The following PGM3 variants were observed in gnomAD, a reference collection of about 807,000 sequenced individuals.
PGM3 encodes phosphoglucomutase 3.
Under a neutral mutation model 66.2 loss-of-function variants are expected in PGM3, and 40 were observed. The ratio of observed to expected loss-of-function variants is 0.60; its 90% confidence interval spans 0.47 to 0.79. The LOEUF (loss-of-function observed/expected upper bound fraction) is 0.79. Ranked by LOEUF, PGM3 falls within the 30% of genes least tolerant of loss-of-function variation. The pLI, the probability that PGM3 is intolerant of heterozygous loss-of-function variation, is 0.00. For synonymous variants in PGM3, 191 were observed against 224.2 expected, an observed-to-expected ratio of 0.85 and a Z score of 1.32; for missense variants, 537 against 643.4, an observed-to-expected ratio of 0.83 and a Z score of 1.79.
intron 12 of PGM3, 113 bp from the exon 13 acceptor site, chr6:83,169,436 T>G: frequency 8.1e-7 from 1 of 1,240,508 alleles, no homozygotes; most frequent in Non-Finnish European, 1.1e-6. Context: ...TTGATTTTGT[T>G]TCACTAACAA....
At position 83,167,658 on chromosome 6, in the gene PGM3, A is replaced by G. The variant is rs1441849523; in HGVS notation, c.*1576T>C. On this transcript the variant is annotated 3_prime_UTR_variant, in exon 13 of 13. Coordinates refer to ENST00000513973, the MANE Select transcript of PGM3 (RefSeq NM_015599.3). ...ATTCTAGTTGGGAACTATTACTACA[A>G]TGTTAGACTGCTCCATGTAAAACTA... 3 of 1,340,058 alleles carry G rather than the reference A, an allele frequency of 2.2e-6. No homozygotes were observed. Among genetic ancestry groups the G allele is most frequent in the Non-Finnish European group, 2.9e-6 (3 of 1,050,420 alleles). 83.0% of individuals were successfully genotyped at this position (1,340,058 alleles called of 1,614,324 possible).
chr6:83,168,684 C>T lies in PGM3; in HGVS notation c.*550G>A. 1 of 995,298 alleles carries T rather than the reference C, an allele frequency of 1.0e-6. No individual in the cohort carries two copies. Among genetic ancestry groups the T allele is most frequent in the Non-Finnish European group, 1.2e-6 (1 of 835,844 alleles). The allele number at this position is 995,298 out of a possible 1,614,324, so 61.7% of individuals were successfully genotyped here. On this transcript the variant is annotated 3_prime_UTR_variant, in exon 13 of 13. Coordinates refer to ENST00000513973, the MANE Select transcript of PGM3 (RefSeq NM_015599.3). ...CTTAAAAGTATTGCATGAGCATCTC[C>T]ACCTCAGTATGGAAGAGGGATGGAC...
intron 12 of PGM3, chr6:83,169,539 G>C: frequency 1.8e-6 from 1 of 560,294 alleles, no homozygotes; most frequent in East Asian, 3.1e-5. Context: ...AATAAGGTAA[G>C]TTTTTAATCA....
chr6:83,185,628 A>G, intron 4 of PGM3, among the ~76,000 whole-genome samples: 1 of 152,134 alleles, frequency 6.6e-6, no homozygotes, highest in East Asian at 1.9e-4. Context: ...GTGTGGTGGC[A>G]TGTGCCTGTA....
Position 83,179,844 on chromosome 6 carries a change from A to G in PGM3, c.911T>C (p.Leu304Ser). Residue 304 changes from leucine (L) to serine (S), a missense_variant, in exon 7 of 13, where the codon TTA becomes TCA. Physicochemically the swap from Leu to Ser is moderately radical, Grantham distance 145. Transcript: ENST00000513973. Reference protein sequence around the residue: ...HLIDGDKIATLISSFLKELLV... With the variant: ...HLIDGDKIATSISSFLKELLV... Reference sequence around the variant, plus strand: ...GAGCTCTTTAAGGAAACTGCTAATTAACGTTGCTATCTTGTCTCCATCTAT... The same window carrying G: ...GAGCTCTTTAAGGAAACTGCTAATTGACGTTGCTATCTTGTCTCCATCTAT... 6.2e-7 allele frequency: 1 copy of G among 1,613,056 alleles called. No homozygotes were observed. Among genetic ancestry groups the G allele is most frequent in the South Asian group, 1.1e-5 (1 of 90,808 alleles).
rs765342386 is a variant in PGM3 at position 83,166,151 on chromosome 6, A to G, written c.*3083T>C. On this transcript the variant is annotated 3_prime_UTR_variant, in exon 13 of 13. Transcript: ENST00000513973. ...ACACTTCAAAACAACGAATTTTTTT[A>G]TTTTTCACTCAGCTCATGAGGCACC... 4 of 468,440 alleles carry G rather than the reference A, an allele frequency of 8.5e-6. No homozygotes were observed. The highest frequency in any genetic ancestry group is 1.1e-5 in the Non-Finnish European group (3 of 266,940). The allele number at this position is 468,440 out of a possible 1,614,324, so 29.0% of individuals were successfully genotyped here. A position where few individuals can be genotyped will look rare whatever the true frequency, so the allele number is the denominator to read the frequency against.
intron 12 of PGM3, chr6:83,169,673 A>G (rs761541634): frequency 6.5e-6 from 3 of 464,824 alleles, no homozygotes; most frequent in African/African-American, 2.0e-5. Context: ...TCCATCATGG[A>G]TATTCATTAG....
chr6:83,158,527 A>G (rs779678172), downstream of PGM3: 31 of 1,434,102 alleles, frequency 2.2e-5, no homozygotes, highest in Non-Finnish European at 3.0e-5. Flanking sequence ...AGGATTAAAT[A>G]TCCAGTTTAA....
chr6:83,152,306 T>G, the PGM3 span: 1 of 1,573,622 alleles, frequency 6.4e-7, no homozygotes, highest in Non-Finnish European at 8.6e-7. Flanking sequence ...TCACCTGCAA[T>G]GGAAACCGCA....
At position 83,168,111 on chromosome 6, in the gene PGM3, CA is replaced by C. The variant is rs1562402608; in HGVS notation, c.*1122del. The stretch of plus-strand genomic sequence containing the variant: ...CAAACCATGTTCCAGCAAAGCCAGG[CA>C]AAAAATAGAAGAGATGGTAGAAAAA... On this transcript the variant is annotated 3_prime_UTR_variant, in exon 13 of 13. Transcript: ENST00000513973. 5 of 1,608,778 alleles carry C rather than the reference CA, an allele frequency of 3.1e-6. No individual in the cohort carries two copies. The highest frequency in any genetic ancestry group is 4.2e-6 in the Non-Finnish European group (5 of 1,178,520).
At chr6:83,183,961 C>T (rs1304879087) in intron 4 of PGM3, among the ~76,000 whole-genome samples, 1 of 151,882 alleles carries the variant, frequency 6.6e-6, no homozygotes, top group East Asian at 1.9e-4. Flanking sequence ...AATGATCCAC[C>T]CACCTCATAC....
chr6:83,183,475 AT>A (rs1199261667), intron 4 of PGM3, among the ~76,000 whole-genome samples: 3 of 152,222 alleles, frequency 2.0e-5, no homozygotes, highest in Non-Finnish European at 4.4e-5. Context: ...AAAAAAGCCC[AT>A]GCTGATCTAA....
rs190543593 is a variant in PGM3 at position 83,173,571 on chromosome 6, G to A, written c.1242+803C>T. On this transcript the variant is annotated intron_variant, in intron 10 of 12. Transcript: ENST00000513973. ...AAATTACAGTAACACCTCTCCCTGT[G>A]TTACTGTAAGGATTACACAGCAAGG... Among the ~76,000 whole-genome samples the A allele has an allele frequency of 3.1e-3, 470 of 152,098 alleles. 3 individuals carry two copies. The highest frequency in any genetic ancestry group is 0.011 in the African/African-American group (438 of 41,390).
chr6:83,176,191 A>G, intron 8 of PGM3, 131 bp from the exon 9 acceptor site: 1 of 606,626 alleles, frequency 1.6e-6, no homozygotes, highest in Non-Finnish European at 3.0e-6. Flanking sequence ...ACGATTAAGC[A>G]TTAAAATACA....
intron 4 of PGM3, among the ~76,000 whole-genome samples, chr6:83,186,219 C>T (rs1268380386): frequency 6.6e-6 from 1 of 152,052 alleles, no homozygotes; most frequent in Non-Finnish European, 1.5e-5. Context: ...CCAGATTTGG[C>T]AATAACAATG....
chr6:83,179,904 T>C lies in PGM3; in HGVS notation c.851A>G (p.Tyr284Cys), dbSNP rs1274016429. The change falls in exon 7 of 13, where the codon TAT becomes TGT. Residue 284 changes from tyrosine to cysteine, a missense_variant. By Grantham distance (194) the Tyr-to-Cys change is radical. Transcript: ENST00000513973. ...SFDGDADRIV[Y>C]YYHDADGHFH... The stretch of plus-strand genomic sequence containing the variant: ...GTGGCCATCTGCATCATGGTAGTAA[T>C]AAACAATTCTGTCTGCATCTCCATC... 1 of 1,612,548 alleles carries C rather than the reference T, an allele frequency of 6.2e-7. No individual in the cohort carries two copies. Among genetic ancestry groups the C allele is most frequent in the African/African-American group, 1.3e-5 (1 of 75,046 alleles).
the PGM3 span, among the ~76,000 whole-genome samples, chr6:83,152,523 G>T: frequency 0.038 from 5,762 of 151,678 alleles, 182 homozygotes; most frequent in African/African-American, 0.074. Flanking sequence ...GGCCTTGTAT[G>T]TATTTGGATT....
At chr6:83,180,048 C>T in intron 6 of PGM3, 81 bp from the exon 7 acceptor site, 2 of 1,077,770 alleles carry the variant, frequency 1.9e-6, no homozygotes, top group East Asian at 5.1e-5. Context: ...TTAAAATTAT[C>T]CACCTAAAAA....
In PGM3 at chr6:83,174,383, C is replaced by T; in HGVS notation, c.1233G>A (p.Leu411=). The T allele has an allele frequency of 6.4e-7, 1 of 1,566,946 alleles. No individual in the cohort carries two copies. Among genetic ancestry groups the T allele is most frequent in the Non-Finnish European group, 8.8e-7 (1 of 1,139,172 alleles). ...CCCCATCAGTTCTGACCTGGTTAAA[C>T]AAGTCAATAATGTTTTCAAGCATCT... ...AAKMLENIID[L]FNQAAGDAIS... The change falls in exon 10 of 13, where the codon TTG becomes TTA. Residue 411 remains leucine (L), a synonymous_variant. Transcript: ENST00000513973.
Sources: gnomAD v4.1 joint callset for allele counts (sites outside exome capture counted in the v4.1 genomes callset) on GRCh38, gnomAD v4.1.1 for gene constraint, MANE v1.5 for transcripts, NCBI Gene and HGNC (gene_info 2026-07-23, HGNC 2026-07-21) for gene names.